TCF12: variants seen among roughly 807,000 people sequenced by gnomAD.
TCF12 encodes DNA-binding protein HTF4.
In TCF12, 45 loss-of-function variants were observed where a neutral mutation model predicts 86.0. That is an observed-to-expected ratio of 0.52 (90% confidence interval 0.41 to 0.67). TCF12 has a LOEUF of 0.67. Among genes scored for constraint, TCF12 ranks in the 30% least tolerant of loss-of-function variants. The probability of loss-of-function intolerance (pLI) is 0.00; values close to 1 mark genes in which losing one functional copy is unlikely to be tolerated. For missense variants in TCF12, 881 were observed against 859.9 expected (o/e 1.02, Z -0.31); for synonymous variants, 330 against 299.6 (o/e 1.10, Z -1.05).
chr15:57,174,958 G>C (rs1458795227), intron 6 of TCF12, among the ~76,000 whole-genome samples: 1 of 151,732 alleles, frequency 6.6e-6, no homozygotes, highest in Non-Finnish European at 1.5e-5. Flanking sequence ...CTCTTTAGGG[G>C]AAGAAAACAA....
chr15:57,133,624 G>GTT (rs61579168), intron 5 of TCF12, among the ~76,000 whole-genome samples: 6,487 of 144,552 alleles, frequency 0.045, 408 homozygotes, highest in African/African-American at 0.14. Flanking sequence ...GCAGTAATGT[G>GTT]TTTTTTTTTT....
intron 3 of TCF12, among the ~76,000 whole-genome samples, chr15:56,958,263 C>G (rs79526746): frequency 3.2e-3 from 494 of 152,292 alleles, no homozygotes; most frequent in African/African-American, 0.011. Context: ...CCCTGGCCTG[C>G]AAACTTTCTT....
chr15:57,075,771 T>C (rs2069846216), intron 4 of TCF12, among the ~76,000 whole-genome samples: 2 of 47,318 alleles, frequency 4.2e-5, no homozygotes, highest in African/African-American at 7.5e-5. Flanking sequence ...TCTTTCTTTC[T>C]TTCTTTCTTT....
chr15:57,081,734 G>A (rs1202845735), intron 4 of TCF12, among the ~76,000 whole-genome samples: 2 of 151,808 alleles, frequency 1.3e-5, no homozygotes, highest in South Asian at 2.1e-4. Flanking sequence ...TGTTGTTTTT[G>A]TTTTTTGTAT....
At chr15:57,103,872 G>T (rs192233497) in intron 5 of TCF12, among the ~76,000 whole-genome samples, 63 of 152,264 alleles carry the variant, frequency 4.1e-4, no homozygotes, top group Non-Finnish European at 1.2e-4. Context: ...GCTGGGCGTG[G>T]TGGTAGAAGC....
intron 3 of TCF12, among the ~76,000 whole-genome samples, chr15:56,938,222 G>A (rs1160839576): frequency 2.7e-5 from 4 of 149,890 alleles, no homozygotes; most frequent in East Asian, 2.0e-4. Context: ...GTGCAGTGGC[G>A]CGACCTTGGC....
In TCF12 at chr15:56,919,834, T is replaced by G. The variant is rs546522257; in HGVS notation, c.-22-58T>G. On this transcript the variant is annotated intron_variant, in intron 1 of 20. Coordinates refer to ENST00000333725, the MANE Select transcript of TCF12 (RefSeq NM_207037.2). ...AATCTTCCCCAGTACCTCTCTCTGT[T>G]CCCTCACACACTTTGGGCCTCGGTG... 3.4e-6 allele frequency: 5 copies of G among 1,486,646 alleles called. No individual in the cohort carries two copies. In the East Asian group the frequency reaches 9.1e-5, roughly 27 times the overall value. The allele number at this position is 1,486,646 out of a possible 1,614,324, so 92.1% of individuals were successfully genotyped here. A position where few individuals can be genotyped will look rare whatever the true frequency, so the allele number is the denominator to read the frequency against.
chr15:57,266,074 G>A (rs2060850986), intron 18 of TCF12, among the ~76,000 whole-genome samples: 1 of 146,156 alleles, frequency 6.8e-6, no homozygotes, highest in Non-Finnish European at 1.5e-5. Flanking sequence ...GCCTATTTTT[G>A]TTTTTGTTTT....
chr15:57,072,516 CAAAA>C, intron 4 of TCF12: 1 of 355,842 alleles, frequency 2.8e-6, no homozygotes. Flanking sequence ...GATATTTTCT[CAAAA>C]TTGTGTGTTT....
At chr15:57,290,360 AAGAGT>A (rs1401267696), downstream of TCF12, among the ~76,000 whole-genome samples, 26 of 146,192 alleles carry the variant, frequency 1.8e-4, no homozygotes, top group Non-Finnish European at 2.7e-4. Flanking sequence ...AAAAAAAAAA[AAGAGT>A]GAGCCAGTAG....
rs141266740 is a variant in TCF12 at position 57,181,251 on chromosome 15, CCTTT to C, written c.391-10904_391-10901del. 3.3e-3 allele frequency among the ~76,000 whole-genome samples: 494 copies of C among 151,996 alleles called. 12 individuals carry two copies. The East Asian group carries it at 0.079, about 24-fold the overall frequency. ...GCCTGTTTTTCAACACTTAATTTTC[CCTTT>C]CTGTTTTTTTTATTTTTTATTTTTT... On this transcript the variant is annotated intron_variant, in intron 6 of 20. Transcript: ENST00000333725.
At chr15:57,059,094 C>G (rs562270602) in intron 3 of TCF12, among the ~76,000 whole-genome samples, 17 of 152,280 alleles carry the variant, frequency 1.1e-4, no homozygotes, top group African/African-American at 3.9e-4. Flanking sequence ...GATGGCAATC[C>G]TGCAAAATAT....
intron 8 of TCF12, among the ~76,000 whole-genome samples, chr15:57,198,420 T>G (rs1158359620): frequency 1.3e-5 from 2 of 152,264 alleles, no homozygotes; most frequent in East Asian, 3.9e-4. Context: ...TGATCCCTCT[T>G]TGCTCAAAAA....
chr15:56,985,311 A>G (rs1427259190), intron 3 of TCF12, among the ~76,000 whole-genome samples: 1 of 152,204 alleles, frequency 6.6e-6, no homozygotes. Context: ...AGAATGAGGC[A>G]ATTAAATGAA....
chr15:57,172,414 G>T (rs1424767031), intron 6 of TCF12, among the ~76,000 whole-genome samples: 1 of 152,144 alleles, frequency 6.6e-6, no homozygotes, highest in African/African-American at 2.4e-5. Flanking sequence ...ATAGAACTCT[G>T]CATACAACAA....
chr15:57,223,058 G>C (rs2058677531), intron 8 of TCF12, among the ~76,000 whole-genome samples: 2 of 151,878 alleles, frequency 1.3e-5, no homozygotes, highest in African/African-American at 2.4e-5. Flanking sequence ...AAACTAATTT[G>C]ATTGTAAGGG....
chr15:57,031,487 A>C (rs951688571), intron 3 of TCF12, among the ~76,000 whole-genome samples: 2 of 152,240 alleles, frequency 1.3e-5, no homozygotes, highest in African/African-American at 2.4e-5. Flanking sequence ...CTCAGAATTT[A>C]GACATGAAGA....
chr15:57,197,864 C>CT (rs1360295005), intron 8 of TCF12, 39 bp downstream of exon 8: 4 of 1,600,186 alleles, frequency 2.5e-6, no homozygotes, highest in East Asian at 2.2e-5. Flanking sequence ...GGTAAACAAA[C>CT]TGATTTCAAG....
intron 3 of TCF12, among the ~76,000 whole-genome samples, chr15:57,049,043 C>A (rs1201702290): frequency 6.6e-6 from 1 of 152,040 alleles, no homozygotes; most frequent in Non-Finnish European, 1.5e-5. Context: ...CCATGTTGAC[C>A]GTGGTCACGT....
Sources: allele counts gnomAD v4.1 joint callset (sites outside exome capture counted in the v4.1 genomes callset), GRCh38; gene constraint gnomAD v4.1.1; transcripts MANE v1.5; gene names NCBI Gene and HGNC (gene_info 2026-07-23, HGNC 2026-07-21).